Variants in KDM4C observed in about 807,000 individuals in gnomAD.
KDM4C encodes lysine-specific demethylase 4C.
In KDM4C, 81 loss-of-function variants were observed where a neutral mutation model predicts 129.3. That is an observed-to-expected ratio of 0.63 (90% confidence interval 0.52 to 0.75). The LOEUF is 0.75. Among genes scored for constraint, KDM4C ranks in the 30% least tolerant of loss-of-function variants. The pLI is 0.00. For synonymous variants in KDM4C, 573 were observed against 456.1 expected, an observed-to-expected ratio of 1.26 and a Z score of -3.26; for missense variants, 1,457 against 1,304.0, an observed-to-expected ratio of 1.12 and a Z score of -1.81.
intron 1 of KDM4C, among the ~76,000 whole-genome samples, chr9:6,792,289 G>C (rs537826290): frequency 4.3e-4 from 66 of 152,272 alleles, no homozygotes; most frequent in African/African-American, 1.4e-3. Flanking sequence ...GTTGCAGTGA[G>C]CCGAGATTGC....
At chr9:6,984,581 G>C (rs73639445) in intron 10 of KDM4C, among the ~76,000 whole-genome samples, 177 bp downstream of exon 10, 1 of 152,190 alleles carries the variant, frequency 6.6e-6, no homozygotes, top group African/African-American at 2.4e-5. Flanking sequence ...AAAGTCAGGA[G>C]CCTCACTGCT....
intron 1 of KDM4C, chr9:6,749,020 T>C (rs776608975): frequency 1.2e-4 from 78 of 667,780 alleles, no homozygotes; most frequent in South Asian, 8.2e-4. Context: ...AAGCTTATTA[T>C]TATTATTTTT....
intron 8 of KDM4C, among the ~76,000 whole-genome samples, chr9:6,967,166 G>T (rs1169886312): frequency 2.0e-5 from 3 of 152,170 alleles, no homozygotes; most frequent in African/African-American, 7.2e-5. Flanking sequence ...GCTCACACCT[G>T]TAATCCCAGC....
At chr9:7,099,060 C>T (rs141498288) in intron 17 of KDM4C, among the ~76,000 whole-genome samples, 2 of 152,166 alleles carry the variant, frequency 1.3e-5, no homozygotes, top group East Asian at 3.9e-4. Flanking sequence ...CTGTGTGGTG[C>T]TTAGAAAAAG....
rs747649175 is a variant in KDM4C, at chr9:6,889,252, G to GTGTGTGTGT, written c.783+1189_783+1190insTGTGTGTGT. 5.2e-3 allele frequency among the ~76,000 whole-genome samples: 392 copies of GTGTGTGTGT among 75,056 alleles called. 14 individuals are homozygous for GTGTGTGTGT. The East Asian group carries it at 0.053, about 10-fold the overall frequency. The allele number at this position is 75,056 out of a possible 152,430, so 49.2% of individuals were successfully genotyped here. ...GTGTGTGTGTGTGTGTGTGTGTGTG[G>GTGTGTGTGT]GAGGGTGGGGGGGATTTGTTCAAAG... On this transcript the variant is annotated intron_variant, in intron 7 of 21. Coordinates refer to ENST00000381309, the MANE Select transcript of KDM4C (RefSeq NM_015061.6).
At chr9:6,956,174 A>C (rs1238424122) in intron 8 of KDM4C, among the ~76,000 whole-genome samples, 1 of 152,232 alleles carries the variant, frequency 6.6e-6, no homozygotes, top group Non-Finnish European at 1.5e-5. Flanking sequence ...AATAAGATCT[A>C]CTAGTTGATA....
intron 17 of KDM4C, among the ~76,000 whole-genome samples, chr9:7,075,452 A>T (rs1019417005): frequency 1.3e-5 from 2 of 152,036 alleles, no homozygotes; most frequent in Non-Finnish European, 2.9e-5. Context: ...GCCCTTCTGT[A>T]TGGGTTAAGT....
At chr9:6,808,544 A>G (rs1830555796) in intron 3 of KDM4C, among the ~76,000 whole-genome samples, 2 of 148,240 alleles carry the variant, frequency 1.3e-5, no homozygotes, top group Non-Finnish European at 1.5e-5. Flanking sequence ...GTAATCAGGG[A>G]CACAAACACT....
At chr9:6,821,943 T>C (rs1442068132) in intron 4 of KDM4C, among the ~76,000 whole-genome samples, 1 of 152,174 alleles carries the variant, frequency 6.6e-6, no homozygotes, top group South Asian at 2.1e-4. Context: ...CTGGCCCCTC[T>C]TTTATTCTGC....
chr9:6,971,932 A>G (rs10758814), intron 8 of KDM4C, among the ~76,000 whole-genome samples: 48,589 of 152,054 alleles, frequency 0.32, 8,762 homozygotes, highest in East Asian at 0.71. Flanking sequence ...CCATCATTCA[A>G]CTAATATTTA....
intron 4 of KDM4C, among the ~76,000 whole-genome samples, chr9:6,847,487 C>T (rs935033940): frequency 2.6e-5 from 4 of 152,166 alleles, no homozygotes; most frequent in South Asian, 2.1e-4. Flanking sequence ...CAAACACCTC[C>T]CGGGGCCGTT....
intron 17 of KDM4C, among the ~76,000 whole-genome samples, chr9:7,064,538 C>T (rs923379544): frequency 4.6e-5 from 7 of 152,140 alleles, no homozygotes; most frequent in East Asian, 3.8e-4. Flanking sequence ...TACTCAGTCA[C>T]GTTATGGAGC....
At chr9:7,049,598 A>G (rs1404813460) in intron 17 of KDM4C, among the ~76,000 whole-genome samples, 1 of 152,092 alleles carries the variant, frequency 6.6e-6, no homozygotes, top group Non-Finnish European at 1.5e-5. Context: ...ACCTAATTTC[A>G]TTATCTCTTC....
chr9:7,033,216 C>G (rs868611797), intron 15 of KDM4C, among the ~76,000 whole-genome samples: 3 of 151,680 alleles, frequency 2.0e-5, no homozygotes, highest in African/African-American at 7.3e-5. Flanking sequence ...CCTGCAAGGC[C>G]GACTTTGATC....
At chr9:7,157,115 G>A (rs1055198821) in intron 19 of KDM4C, among the ~76,000 whole-genome samples, 169 of 152,192 alleles carry the variant, frequency 1.1e-3, no homozygotes, top group African/African-American at 4.0e-3. Flanking sequence ...CTTTGTAGCA[G>A]TTGTGAATGG....
intron 19 of KDM4C, among the ~76,000 whole-genome samples, chr9:7,150,840 A>G (rs1400732230): frequency 2.0e-5 from 3 of 152,236 alleles, no homozygotes; most frequent in Non-Finnish European, 4.4e-5. Context: ...TTTGCATGCC[A>G]GAATCTCACC....
intron 10 of KDM4C, 99 bp downstream of exon 10, chr9:6,984,503 C>T (rs1178544446): frequency 2.6e-6 from 2 of 760,238 alleles, no homozygotes; most frequent in East Asian, 5.1e-5. Context: ...CTGACTAGTC[C>T]ACATAGCTTA....
intron 15 of KDM4C, among the ~76,000 whole-genome samples, chr9:7,020,915 T>TTC (rs1199462807): frequency 6.7e-6 from 1 of 148,944 alleles, no homozygotes; most frequent in East Asian, 1.9e-4. Context: ...TCATTTTCCT[T>TTC]TTTTTTTTTT....
intron 1 of KDM4C, among the ~76,000 whole-genome samples, chr9:6,750,748 T>G (rs1431020135): frequency 6.6e-6 from 1 of 152,204 alleles, no homozygotes; most frequent in Non-Finnish European, 1.5e-5. Flanking sequence ...AGAAGGCAGT[T>G]CTAGCTGCTA....
Sources: allele counts gnomAD v4.1 joint callset (sites outside exome capture counted in the v4.1 genomes callset), GRCh38; gene constraint gnomAD v4.1.1; transcripts MANE v1.5; gene names NCBI Gene and HGNC (gene_info 2026-07-23, HGNC 2026-07-21).